DNAH7: variants seen among roughly 807,000 people sequenced by gnomAD.
DNAH7 encodes axonemal beta dynein heavy chain 7.
In DNAH7, 397 loss-of-function variants were observed where a neutral mutation model predicts 444.6. That is an observed-to-expected ratio of 0.89 (90% CI 0.82 to 0.97). DNAH7 has a LOEUF of 0.97. Among genes scored for constraint, DNAH7 ranks in the 50% least tolerant of loss-of-function variants. The pLI is 0.00. For synonymous variants in DNAH7, 1,636 were observed against 1,624.4 expected (o/e 1.01, Z -0.17); for missense variants, 4,902 against 4,800.8 (o/e 1.02, Z -0.62).
chr2:195,742,995 G>C (rs1394611256), intron 63 of DNAH7, among the ~76,000 whole-genome samples: 1 of 152,212 alleles, frequency 6.6e-6, no homozygotes, highest in East Asian at 1.9e-4. Context: ...CTCAGTGTGG[G>C]TGGACACCAT....
intron 49 of DNAH7, among the ~76,000 whole-genome samples, chr2:195,820,643 T>C (rs1052773540): frequency 2.0e-5 from 3 of 152,206 alleles, no homozygotes; most frequent in Admixed American, 2.0e-4. Flanking sequence ...CACTGCATTC[T>C]ATATGTTAGT....
At chr2:195,949,474 G>C (rs1288311713) in intron 19 of DNAH7, among the ~76,000 whole-genome samples, 1 of 152,084 alleles carries the variant, frequency 6.6e-6, no homozygotes, top group Non-Finnish European at 1.5e-5. Flanking sequence ...AGTAGAGATG[G>C]AGTTTCACCT....
chr2:195,803,932 G>A (rs1050859019), intron 54 of DNAH7, among the ~76,000 whole-genome samples: 3 of 152,128 alleles, frequency 2.0e-5, no homozygotes, highest in Non-Finnish European at 4.4e-5. Flanking sequence ...GAAAGTGCAA[G>A]CCCATCTCAT....
At chr2:195,862,550 TCTAA>T (rs1375721012) in intron 41 of DNAH7, among the ~76,000 whole-genome samples, 1 of 152,074 alleles carries the variant, frequency 6.6e-6, no homozygotes, top group African/African-American at 2.4e-5. Context: ...CTTGCCAATC[TCTAA>T]CTGATTTGAC....
Position 195,796,893 on chromosome 2 carries a change from A to G in DNAH7, c.10354-156T>C, listed in dbSNP as rs1696170999. On this transcript the variant is annotated intron_variant, in intron 55 of 64. Coordinates refer to ENST00000312428, the MANE Select transcript of DNAH7 (RefSeq NM_018897.3). ...GCATCCCTAAAAAACTCTCTTTGAC[A>G]AAGAATCTTATAAACACTTCGATAA... Among the ~76,000 whole-genome samples the G allele has an allele frequency of 2.0e-5, 3 of 152,234 alleles. No individual in the cohort carries two copies. The South Asian group carries it at 6.2e-4, about 31-fold the overall frequency.
intron 19 of DNAH7, among the ~76,000 whole-genome samples, chr2:195,937,795 G>C (rs1689154596): frequency 6.6e-6 from 1 of 151,988 alleles, no homozygotes. Flanking sequence ...TGTAAGGAAA[G>C]TTCTTTACTT....
chr2:195,824,798 GTTAT>G (rs1697644808), intron 48 of DNAH7, among the ~76,000 whole-genome samples: 2 of 152,206 alleles, frequency 1.3e-5, no homozygotes, highest in South Asian at 4.1e-4. Flanking sequence ...TCCAGTTGTA[GTTAT>G]TTAAATTGTT....
chr2:195,958,217 C>A (rs186578952), intron 18 of DNAH7, among the ~76,000 whole-genome samples: 1 of 152,130 alleles, frequency 6.6e-6, no homozygotes, highest in East Asian at 1.9e-4. Context: ...GAAGACCAAC[C>A]CCTCCTCTTC....
intron 12 of DNAH7, among the ~76,000 whole-genome samples, chr2:195,996,110 C>T (rs973006707): frequency 1.3e-5 from 2 of 152,162 alleles, no homozygotes; most frequent in African/African-American, 4.8e-5. Context: ...AGAAAATACA[C>T]TAGAGTGCAA....
intron 15 of DNAH7, among the ~76,000 whole-genome samples, chr2:195,977,342 A>G (rs1692277457): frequency 6.6e-6 from 1 of 152,256 alleles, no homozygotes; most frequent in African/African-American, 2.4e-5. Flanking sequence ...CTGGGGTTGA[A>G]AATGTAATTG....
rs1209872083 is a variant in DNAH7 at position 195,897,608 on chromosome 2, C to T, written c.4647+59G>A. The T allele has an allele frequency of 4.1e-6, 4 of 965,758 alleles. No individual in the cohort carries two copies. The African/African-American group carries it at 4.9e-5, about 12-fold the overall frequency. The allele number at this position is 965,758 out of a possible 1,614,324, so 59.8% of individuals were successfully genotyped here. A position where few individuals can be genotyped will look rare whatever the true frequency, so the allele number is the denominator to read the frequency against. On this transcript the variant is annotated intron_variant, in intron 29 of 64. Transcript: ENST00000312428. ...ATAGTGGGAGCTTCACAACCTTAGA[C>T]ATGTGATAAATACATTATTATAAGA...
intron 63 of DNAH7, among the ~76,000 whole-genome samples, chr2:195,752,004 C>G (rs934687407): frequency 6.6e-6 from 1 of 152,152 alleles, no homozygotes; most frequent in Non-Finnish European, 1.5e-5. Flanking sequence ...GGTGCAGTGG[C>G]TCACGCCTGT....
At position 195,960,261 on chromosome 2, in the gene DNAH7, T is replaced by C. The variant is rs1436207159; in HGVS notation, c.2890A>G (p.Arg964Gly). Residue 964 changes from arginine to glycine, a missense_variant and splice_region_variant, in exon 18 of 65, where the codon AGA becomes GGA. By Grantham distance (125) the Arg-to-Gly change is moderately radical (BLOSUM62 -2). Transcript: ENST00000312428. ...PFIKPYEKQM[R>G]EWEGKLLLLQ... Reference sequence around the variant, plus strand: ...ATTGCCATATAAATATCACTTTACCTCATTTGTTTTTCATAAGGCTTAATG... The same window carrying C: ...ATTGCCATATAAATATCACTTTACCCCATTTGTTTTTCATAAGGCTTAATG... 6.3e-7 allele frequency: 1 copy of C among 1,598,642 alleles called. No homozygotes were observed. The highest frequency in any genetic ancestry group is 8.5e-7 in the Non-Finnish European group (1 of 1,172,252).
chr2:195,816,622 A>G lies in DNAH7; in HGVS notation c.9761+6T>C. 1.2e-6 allele frequency: 2 copies of G among 1,600,534 alleles called. No homozygotes were observed. Among genetic ancestry groups the G allele is most frequent in the Non-Finnish European group, 1.7e-6 (2 of 1,170,044 alleles). On this transcript the variant is annotated splice_donor_region_variant and intron_variant, in intron 51 of 64. Transcript: ENST00000312428. Reference sequence around the variant, plus strand: ...GTTAATATTAACTAGTATTTCCTTTACATACCTTTTTGCCAAAATTTCTGA... The same window carrying G: ...GTTAATATTAACTAGTATTTCCTTTGCATACCTTTTTGCCAAAATTTCTGA...
At chr2:195,991,197 C>G (rs2125649969) in intron 12 of DNAH7, among the ~76,000 whole-genome samples, 1 of 151,956 alleles carries the variant, frequency 6.6e-6, no homozygotes, top group Non-Finnish European at 1.5e-5. Flanking sequence ...CAAAGCTAAA[C>G]TGACTCATAG....
At chr2:195,929,228 CACAA>C (rs765449427) in intron 21 of DNAH7, among the ~76,000 whole-genome samples, 23 of 152,198 alleles carry the variant, frequency 1.5e-4, no homozygotes, top group Non-Finnish European at 4.4e-5. Context: ...TCACAGATGA[CACAA>C]ACAAATAGAA....
In DNAH7 at chr2:195,934,664, GTTGAAA is replaced by G; in HGVS notation, c.3392_3397del (p.Ile1131_Ser1132del). 6.2e-7 allele frequency: 1 copy of G among 1,614,108 alleles called. No individual in the cohort carries two copies. Among genetic ancestry groups the G allele is most frequent in the Non-Finnish European group, 8.5e-7 (1 of 1,179,980 alleles). On this transcript the variant is annotated inframe_deletion, in exon 21 of 65. Transcript: ENST00000312428. ...CTCCACTTGACCTCTGGCTTTGGCT[GTTGAAA>G]TAATCTCTATGAGTTCTACAACCTC...
At chr2:195,932,589 T>A (rs371908512) in intron 21 of DNAH7, among the ~76,000 whole-genome samples, 1 of 152,088 alleles carries the variant, frequency 6.6e-6, no homozygotes, top group South Asian at 2.1e-4. Context: ...ATGATATACA[T>A]CCCATCAATA....
chr2:195,933,459 T>G (rs573923435), intron 21 of DNAH7, among the ~76,000 whole-genome samples: 1 of 152,174 alleles, frequency 6.6e-6, no homozygotes, highest in Non-Finnish European at 1.5e-5. Context: ...TGTATGTTTA[T>G]TGCAGCACTA....
Sources: gnomAD v4.1 joint callset for allele counts (sites outside exome capture counted in the v4.1 genomes callset) on GRCh38, gnomAD v4.1.1 for gene constraint, MANE v1.5 for transcripts, NCBI Gene and HGNC (gene_info 2026-07-23, HGNC 2026-07-21) for gene names.